The following ANKRD55 variants were observed in gnomAD, a reference collection of about 807,000 sequenced individuals.
ANKRD55 encodes ankyrin repeat domain-containing protein 55.
ANKRD55 carries 41 observed loss-of-function variants against 60.6 expected under a neutral mutation model. That is an observed-to-expected ratio of 0.68 (90% CI 0.53 to 0.88). The LOEUF (loss-of-function observed/expected upper bound fraction) is 0.88, where lower values mean the gene tolerates loss of function less well. ANKRD55 is among the 40% of genes least tolerant of loss of function. The probability of loss-of-function intolerance (pLI) is 0.00; values close to 1 mark genes in which losing one functional copy is unlikely to be tolerated. For missense variants in ANKRD55, 732 were observed against 767.6 expected (o/e 0.95, Z 0.55); for synonymous variants, 264 against 290.3 (o/e 0.91, Z 0.92).
intron 4 of ANKRD55, 96 bp from the exon 5 acceptor site, chr5:56,170,899 G>A: frequency 1.8e-6 from 2 of 1,115,224 alleles, no homozygotes; most frequent in East Asian, 2.4e-5. Context: ...TCTCTGGTTT[G>A]GTTAAAAACA....
intron 2 of ANKRD55, among the ~76,000 whole-genome samples, chr5:56,220,422 AG>A (rs5868006): frequency 0.13 from 20,036 of 152,022 alleles, 2,486 homozygotes; most frequent in African/African-American, 0.32. Flanking sequence ...ACACTTTCTC[AG>A]GAGTTGGTTG....
At position 56,183,516 on chromosome 5, in the gene ANKRD55, A is replaced by G; in HGVS notation, c.177T>C (p.Ser59=). Residue 59 remains serine (S), a synonymous_variant, in exon 3 of 12, where the codon AGT becomes AGC. Transcript: ENST00000341048. ...CAAAATGCATACATATCTCACCTTC[A>G]CTGTCACAGCATTCTAGGATAGAAG... ...EDPSILECCD[S]EGCTPLMHAV... 1 of 1,614,038 alleles carries G rather than the reference A, an allele frequency of 6.2e-7. No individual in the cohort carries two copies. Among genetic ancestry groups the G allele is most frequent in the Non-Finnish European group, 8.5e-7 (1 of 1,179,990 alleles).
intron 2 of ANKRD55, among the ~76,000 whole-genome samples, chr5:56,227,280 C>A (rs1249549252): frequency 7.0e-6 from 1 of 142,542 alleles, no homozygotes; most frequent in African/African-American, 2.6e-5. Flanking sequence ...TAGGTGAGAA[C>A]TGAACATTGA....
At chr5:56,173,864 T>G (rs1758678951) in intron 4 of ANKRD55, among the ~76,000 whole-genome samples, 1 of 151,794 alleles carries the variant, frequency 6.6e-6, no homozygotes, top group Non-Finnish European at 1.5e-5. Flanking sequence ...ACATATTTTA[T>G]TTGAGTTTGA....
chr5:56,152,621 A>G (rs148179983), intron 6 of ANKRD55, among the ~76,000 whole-genome samples: 155 of 152,324 alleles, frequency 1.0e-3, no homozygotes, highest in East Asian at 4.6e-3. Context: ...CTCTATGTCA[A>G]TGATTCTTCT....
At chr5:56,162,971 G>C (rs1388781976) in intron 5 of ANKRD55, among the ~76,000 whole-genome samples, 1 of 152,114 alleles carries the variant, frequency 6.6e-6, no homozygotes, top group Admixed American at 6.5e-5. Context: ...ATCCAGCCTT[G>C]TTGGTCAAGT....
intron 2 of ANKRD55, among the ~76,000 whole-genome samples, chr5:56,188,355 C>A (rs1179995528): frequency 7.2e-6 from 1 of 139,588 alleles, no homozygotes. Flanking sequence ...GCAACCCCGC[C>A]ACCCCCCTAC....
At chr5:56,215,997 G>C (rs561571641) in intron 2 of ANKRD55, among the ~76,000 whole-genome samples, 12 of 152,096 alleles carry the variant, frequency 7.9e-5, no homozygotes, top group African/African-American at 2.9e-4. Flanking sequence ...CTGGGGTTAA[G>C]AGATGCTGAA....
chr5:56,226,552 C>T (rs1288921756), intron 2 of ANKRD55, among the ~76,000 whole-genome samples: 1 of 151,428 alleles, frequency 6.6e-6, no homozygotes, highest in Non-Finnish European at 1.5e-5. Context: ...GAACAGGCAA[C>T]CTGCAGAATG....
At chr5:56,216,771 A>G (rs1414021322) in intron 2 of ANKRD55, among the ~76,000 whole-genome samples, 2 of 152,264 alleles carry the variant, frequency 1.3e-5, no homozygotes, top group Non-Finnish European at 2.9e-5. Context: ...GATGAAAAAT[A>G]AAAGTTTGAA....
At chr5:56,159,036 G>A (rs1229289128) in intron 6 of ANKRD55, among the ~76,000 whole-genome samples, 1 of 151,948 alleles carries the variant, frequency 6.6e-6, no homozygotes, top group Non-Finnish European at 1.5e-5. Flanking sequence ...TTCAGAGAGG[G>A]GGGTCTCACT....
chr5:56,193,565 C>T (rs1360381784), intron 2 of ANKRD55: 3 of 365,324 alleles, frequency 8.2e-6, no homozygotes, highest in Non-Finnish European at 1.6e-5. Context: ...GCTACCTTAC[C>T]TGAAAATATA....
chr5:56,143,958 G>C (rs1285874582), intron 6 of ANKRD55, 29 bp from the exon 7 acceptor site: 5 of 1,612,892 alleles, frequency 3.1e-6, no homozygotes, highest in Non-Finnish European at 3.4e-6. Context: ...AGAGGACAGA[G>C]ATGAGCACAG....
chr5:56,121,585 C>A lies in ANKRD55; in HGVS notation c.798-4803G>T, dbSNP rs181711742. 2.6e-3 allele frequency among the ~76,000 whole-genome samples: 390 copies of A among 152,014 alleles called. 2 individuals carry two copies. The highest frequency in any genetic ancestry group is 4.6e-3 in the Non-Finnish European group (310 of 67,976). On this transcript the variant is annotated intron_variant, in intron 8 of 11. Coordinates refer to ENST00000341048, the MANE Select transcript of ANKRD55 (RefSeq NM_024669.3). ...ATGAGGTTTCACCATGTTGGCCAGGCTGGTCTCGATCTCCTGACCTCGTGA... is the reference window on the plus strand; with the variant it reads ...ATGAGGTTTCACCATGTTGGCCAGGATGGTCTCGATCTCCTGACCTCGTGA...
At chr5:56,229,996 G>A (rs1760210632) in intron 2 of ANKRD55, among the ~76,000 whole-genome samples, 1 of 152,202 alleles carries the variant, frequency 6.6e-6, no homozygotes, top group South Asian at 2.1e-4. Flanking sequence ...CTGTCCATGA[G>A]AACTTCCCAA....
At chr5:56,175,954 G>T (rs1476120425) in intron 4 of ANKRD55, among the ~76,000 whole-genome samples, 198 bp downstream of exon 4, 1 of 152,174 alleles carries the variant, frequency 6.6e-6, no homozygotes, top group Non-Finnish European at 1.5e-5. Context: ...TTGTTAGGAA[G>T]ATCCAAAATG....
Position 56,214,509 on chromosome 5 carries a change from A to G in ANKRD55, c.58+18347T>C, listed in dbSNP as rs558627535. ...CCAACAGTTTCAAACAATCTTTTGT[A>G]GTATAATCATCTTAACTTACAAGGT... On this transcript the variant is annotated intron_variant, in intron 2 of 11. Transcript: ENST00000341048. 1.6e-4 allele frequency among the ~76,000 whole-genome samples: 24 copies of G among 152,358 alleles called. No individual in the cohort carries two copies. In the South Asian group the frequency reaches 5.0e-3, roughly 32 times the overall value.
chr5:56,227,294 C>T (rs1760140934), intron 2 of ANKRD55, among the ~76,000 whole-genome samples: 2 of 142,106 alleles, frequency 1.4e-5, no homozygotes, highest in African/African-American at 5.4e-5. Context: ...ACATTGAGAA[C>T]ACTTGGACAC....
At chr5:56,109,103 C>T (rs1480962118) in intron 10 of ANKRD55, among the ~76,000 whole-genome samples, 4 of 152,058 alleles carry the variant, frequency 2.6e-5, no homozygotes, top group African/African-American at 4.8e-5. Context: ...CAAAAACCCC[C>T]ATTGCTGTCT....
Sources: allele counts gnomAD v4.1 joint callset (sites outside exome capture counted in the v4.1 genomes callset), GRCh38; gene constraint gnomAD v4.1.1; transcripts MANE v1.5; gene names NCBI Gene and HGNC (gene_info 2026-07-23, HGNC 2026-07-21).